KLF12: variants seen among roughly 807,000 people sequenced by gnomAD.
KLF12 encodes KLF transcription factor 12.
In KLF12, 9 loss-of-function variants were observed where a neutral mutation model predicts 37.8. The observed-to-expected ratio is 0.24, with a 90% CI of 0.14 to 0.42. The LOEUF is 0.42. Among genes scored for constraint, KLF12 ranks in the 10% least tolerant of loss-of-function variants. KLF12 has a pLI of 1.00. For missense variants in KLF12, 411 were observed against 516.0 expected (o/e 0.80, Z 1.97); for synonymous variants, 208 against 202.1 (o/e 1.03, Z -0.25).
intron 6 of KLF12, among the ~76,000 whole-genome samples, chr13:73,747,042 C>G (rs1391695199): frequency 1.3e-5 from 2 of 152,054 alleles, no homozygotes; most frequent in African/African-American, 2.4e-5. Context: ...GTCTCGAACT[C>G]CTGACCTCAA....
At chr13:73,806,132 G>A (rs1376166880) in intron 5 of KLF12, among the ~76,000 whole-genome samples, 2 of 134,212 alleles carry the variant, frequency 1.5e-5, no homozygotes, top group African/African-American at 2.8e-5. Flanking sequence ...TTTTTTTTGA[G>A]ATAAAGTCTC....
the KLF12 span, among the ~76,000 whole-genome samples, chr13:74,247,553 G>A: frequency 6.6e-5 from 10 of 152,300 alleles, no homozygotes; most frequent in East Asian, 1.9e-3. Context: ...ACTTTCTCTT[G>A]TAATTCAACT....
chr13:73,914,503 A>G (rs1888722190), intron 3 of KLF12, among the ~76,000 whole-genome samples: 1 of 152,062 alleles, frequency 6.6e-6, no homozygotes, highest in Non-Finnish European at 1.5e-5. Context: ...TTTCATTAAG[A>G]AACAAACATC....
At chr13:74,203,249 G>C in the KLF12 span, among the ~76,000 whole-genome samples, 10 of 152,048 alleles carry the variant, frequency 6.6e-5, no homozygotes, top group South Asian at 2.1e-3. Context: ...CTGGAGATTA[G>C]ACTTGGGTGT....
chr13:74,020,117 A>G (rs979122937), intron 1 of KLF12, among the ~76,000 whole-genome samples: 7 of 152,240 alleles, frequency 4.6e-5, no homozygotes, highest in Admixed American at 3.9e-4. Context: ...ATTTATATTC[A>G]CTAACGTATC....
At chr13:74,093,955 A>T (rs1160034158) in intron 1 of KLF12, among the ~76,000 whole-genome samples, 2 of 123,322 alleles carry the variant, frequency 1.6e-5, no homozygotes, top group African/African-American at 5.9e-5. Flanking sequence ...CATTAGGAGT[A>T]TCAGTAAAAT....
chr13:73,899,131 G>T (rs1339773658), intron 3 of KLF12, among the ~76,000 whole-genome samples: 1 of 152,208 alleles, frequency 6.6e-6, no homozygotes. Context: ...CCCAGGAAGG[G>T]GGCTGGAGTC....
At chr13:73,805,610 A>AAGGAAGGGAGGGAGGG (rs1365031217) in intron 5 of KLF12, among the ~76,000 whole-genome samples, 1 of 67,024 alleles carries the variant, frequency 1.5e-5, no homozygotes, top group African/African-American at 6.6e-5. Flanking sequence ...TGTCAGAAGG[A>AAGGAAGGGAGGGAGGG]AGGGAGGGAG....
At chr13:73,958,522 C>T (rs757328103) in intron 2 of KLF12, among the ~76,000 whole-genome samples, 88 of 152,186 alleles carry the variant, frequency 5.8e-4, no homozygotes, top group Non-Finnish European at 1.0e-3. Flanking sequence ...GAATTACAGG[C>T]GTGAGCCACT....
chr13:73,751,838 G>A (rs937475531), intron 6 of KLF12, among the ~76,000 whole-genome samples: 5 of 152,044 alleles, frequency 3.3e-5, no homozygotes, highest in African/African-American at 1.2e-4. Context: ...TCTACTGGGG[G>A]TAAGTGGCAT....
chr13:73,960,495 C>T lies in KLF12; in HGVS notation c.34-16425G>A, dbSNP rs878985827. On this transcript the variant is annotated intron_variant, in intron 2 of 7. Coordinates refer to ENST00000377669, the MANE Select transcript of KLF12 (RefSeq NM_007249.5). ...TCAAGTGGGCTAAAAAAAAGAAGAG[C>T]CAATGGTTGGGATAAAAAAAACAAA... The T allele has an allele frequency of 1.6e-4, 32 of 205,348 alleles. No individual in the cohort carries two copies. In the South Asian group the frequency reaches 1.8e-3, roughly 12 times the overall value. 12.7% of individuals were successfully genotyped at this position (205,348 alleles called of 1,614,324 possible). A position where few individuals can be genotyped will look rare whatever the true frequency, so the allele number is the denominator to read the frequency against.
In KLF12 at chr13:73,884,676, A is replaced by T. The variant is rs1011956942; in HGVS notation, c.124-38303T>A. ...GTCCCATATGGCAGCCACTACGCCC[A>T]TGTGGCTACTGAGCATTTGAAATAT... is the stretch of plus-strand genomic sequence containing the variant. On this transcript the variant is annotated intron_variant, in intron 3 of 7. Transcript: ENST00000377669. Among the ~76,000 whole-genome samples, 12 of 152,336 alleles carry T rather than the reference A, an allele frequency of 7.9e-5. No individual in the cohort carries two copies. The East Asian group carries it at 2.1e-3, about 27-fold the overall frequency.
chr13:73,978,781 C>T (rs1891612372), intron 2 of KLF12, among the ~76,000 whole-genome samples: 2 of 152,092 alleles, frequency 1.3e-5, no homozygotes, highest in African/African-American at 4.8e-5. Flanking sequence ...AGGTATCCTT[C>T]AGTAGGTGAA....
chr13:73,914,337 C>T (rs1176352479), intron 3 of KLF12, among the ~76,000 whole-genome samples: 1 of 152,190 alleles, frequency 6.6e-6, no homozygotes, highest in African/African-American at 2.4e-5. Flanking sequence ...CCTAGGCTTG[C>T]TGCAGGCGTT....
chr13:74,215,377 T>C, the KLF12 span, among the ~76,000 whole-genome samples: 1 of 151,654 alleles, frequency 6.6e-6, no homozygotes, highest in Non-Finnish European at 1.5e-5. Flanking sequence ...ATATTTAGGA[T>C]TTTTTTAACC....
intron 1 of KLF12, among the ~76,000 whole-genome samples, chr13:74,101,436 T>C (rs2104388): frequency 0.54 from 82,632 of 152,036 alleles, 27,539 homozygotes; most frequent in East Asian, 0.89. Flanking sequence ...CTTCCCCACA[T>C]AGACATACAC....
rs35970765 is a variant in KLF12, at chr13:73,909,968, G to A, written c.123+34013C>T. On this transcript the variant is annotated intron_variant, in intron 3 of 7. Coordinates refer to ENST00000377669, the MANE Select transcript of KLF12 (RefSeq NM_007249.5). ...ATTTTCTAATTTTATACTTTCAAAC[G>A]TTATTTTTTTTGGACACATTTAATG... Among the ~76,000 whole-genome samples, 88 of 151,822 alleles carry A rather than the reference G, an allele frequency of 5.8e-4. 1 individual carries two copies. Among genetic ancestry groups the A allele is most frequent in the Non-Finnish European group, 1.1e-3 (77 of 67,948 alleles).
chr13:73,718,878 A>G (rs1488243477), intron 6 of KLF12, among the ~76,000 whole-genome samples: 2 of 152,220 alleles, frequency 1.3e-5, no homozygotes, highest in African/African-American at 4.8e-5. Context: ...TGGGTGAAAG[A>G]GCGAGACCTG....
intron 6 of KLF12, among the ~76,000 whole-genome samples, chr13:73,719,812 G>C (rs1876104715): frequency 6.6e-6 from 1 of 152,006 alleles, no homozygotes; most frequent in Non-Finnish European, 1.5e-5. Flanking sequence ...ATGTTGCCCA[G>C]GCTTATCTTG....
Sources: allele counts gnomAD v4.1 joint callset (sites outside exome capture counted in the v4.1 genomes callset), GRCh38; gene constraint gnomAD v4.1.1; transcripts MANE v1.5; gene names NCBI Gene and HGNC (gene_info 2026-07-23, HGNC 2026-07-21).